The following PPP1R14C variants were observed in gnomAD, a reference collection of about 807,000 sequenced individuals.
PPP1R14C encodes protein phosphatase 1 regulatory subunit 14C.
Under a neutral mutation model 20.4 loss-of-function variants are expected in PPP1R14C, and 16 were observed. The ratio of observed to expected loss-of-function variants is 0.78; its 90% CI spans 0.53 to 1.19. PPP1R14C has a LOEUF of 1.19. PPP1R14C is among the 50% of genes most tolerant of loss of function. The pLI is 0.00. For missense variants in PPP1R14C, 211 were observed against 220.1 expected (o/e 0.96, Z 0.26); for synonymous variants, 91 against 91.0 (o/e 1.00, Z 0.00).
At chr6:150,176,595 T>C (rs1197498355) in intron 1 of PPP1R14C, among the ~76,000 whole-genome samples, 1 of 152,256 alleles carries the variant, frequency 6.6e-6, no homozygotes, top group Non-Finnish European at 1.5e-5. Flanking sequence ...ATCTGTGTCT[T>C]TCTACTGCTA....
intron 1 of PPP1R14C, among the ~76,000 whole-genome samples, chr6:150,204,059 C>T (rs574576551): frequency 6.6e-4 from 101 of 152,278 alleles, no homozygotes; most frequent in Non-Finnish European, 1.1e-3. Context: ...AGGTGCTGCA[C>T]GGAGAAAGAA....
chr6:150,189,786 C>G (rs1777721025), intron 1 of PPP1R14C, among the ~76,000 whole-genome samples: 1 of 152,138 alleles, frequency 6.6e-6, no homozygotes, highest in African/African-American at 2.4e-5. Context: ...TCAAGCACAC[C>G]TCTGGATAAA....
intron 1 of PPP1R14C, among the ~76,000 whole-genome samples, chr6:150,205,498 C>T (rs1777936840): frequency 6.6e-6 from 1 of 152,136 alleles, no homozygotes; most frequent in Non-Finnish European, 1.5e-5. Context: ...TTTGGATCAG[C>T]AGTGACCCAG....
In PPP1R14C at chr6:150,143,236, G is replaced by T; in HGVS notation, c.44G>T (p.Ser15Ile). 1 of 1,378,548 alleles carries T rather than the reference G, an allele frequency of 7.3e-7. No homozygotes were observed. The allele number at this position is 1,378,548 out of a possible 1,614,324, so 85.4% of individuals were successfully genotyped here. Residue 15 changes from serine to isoleucine, a missense_variant, in exon 1 of 4, where the codon AGC (serine) becomes ATC (isoleucine). Coordinates refer to ENST00000361131, the MANE Select transcript of PPP1R14C (RefSeq NM_030949.3). This position sits in a 1 kb window ranked among gnomAD's most constrained non-coding sequence, Gnocchi z 5.6. ...AGCAGCGAGACGGCCGGCGGGGCCA[G>T]CGGCGGCGGCGCACGGGTTTTCTTC... ...TGSSETAGGA[S>I]GGGARVFFQS... is the part of the protein sequence containing the mutation.
At chr6:150,163,392 A>G (rs1381868172) in intron 1 of PPP1R14C, among the ~76,000 whole-genome samples, 1 of 152,188 alleles carries the variant, frequency 6.6e-6, no homozygotes, top group African/African-American at 2.4e-5. Flanking sequence ...CTCCGTCTCA[A>G]AAACAACAAC....
At position 150,230,073 on chromosome 6, in the gene PPP1R14C, G is replaced by T. The variant is rs543324073; in HGVS notation, c.423+13217G>T. On this transcript the variant is annotated intron_variant, in intron 3 of 3. Transcript: ENST00000361131. The stretch of plus-strand genomic sequence containing the variant: ...GTTTGCCCTCATCCAGGAGTTTTCA[G>T]TGTGATTTTTAAATGCCTAGCTGGT... Among the ~76,000 whole-genome samples the T allele has an allele frequency of 6.6e-5, 10 of 152,256 alleles. No homozygotes were observed. The South Asian group carries it at 8.3e-4, about 13-fold the overall frequency.
chr6:150,149,593 C>T (rs950785447), intron 1 of PPP1R14C, among the ~76,000 whole-genome samples: 2 of 151,738 alleles, frequency 1.3e-5, no homozygotes, highest in East Asian at 1.9e-4. Flanking sequence ...CCACTGCGCC[C>T]GGCTACTTTC....
At chr6:150,177,216 G>C (rs1461730070) in intron 1 of PPP1R14C, among the ~76,000 whole-genome samples, 1 of 152,140 alleles carries the variant, frequency 6.6e-6, no homozygotes, top group East Asian at 1.9e-4. Context: ...TTGAAAACAG[G>C]GGTGCACTTG....
At position 150,143,171 on chromosome 6, in the gene PPP1R14C, T is replaced by C; in HGVS notation, c.-22T>C. On this transcript the variant is annotated 5_prime_UTR_variant, in exon 1 of 4. Transcript: ENST00000361131. This position sits in a 1 kb window ranked among gnomAD's most constrained non-coding sequence, Gnocchi z 5.6. ...CGCCCGCCCCTCCTCCGGGCCGCACTGAGGCTCGGGCGCGCGGGGACATGT... is the reference window on the plus strand; with the variant it reads ...CGCCCGCCCCTCCTCCGGGCCGCACCGAGGCTCGGGCGCGCGGGGACATGT... 7.7e-7 allele frequency: 1 copy of C among 1,305,684 alleles called. No homozygotes were observed. The allele number at this position is 1,305,684 out of a possible 1,614,324, so 80.9% of individuals were successfully genotyped here.
chr6:150,165,361 T>A (rs978880322), intron 1 of PPP1R14C, among the ~76,000 whole-genome samples: 5 of 152,258 alleles, frequency 3.3e-5, no homozygotes, highest in Non-Finnish European at 7.3e-5. Context: ...TCAGATTTTG[T>A]GTTAGAGAAG....
chr6:150,236,638 T>TGTGTGTGTGC (rs1311053700), intron 3 of PPP1R14C, among the ~76,000 whole-genome samples: 28 of 142,156 alleles, frequency 2.0e-4, no homozygotes, highest in African/African-American at 6.7e-4. Flanking sequence ...TGTGTGTGTG[T>TGTGTGTGTGC]GCGCGTGTGT....
chr6:150,198,295 G>GCT, intron 1 of PPP1R14C, among the ~76,000 whole-genome samples: 1 of 146,928 alleles, frequency 6.8e-6, no homozygotes, highest in African/African-American at 2.6e-5. Flanking sequence ...GTGTGCCCCT[G>GCT]GCCGCCATGG....
intron 1 of PPP1R14C, chr6:150,196,229 G>A (rs1777802949): frequency 4.9e-6 from 3 of 613,190 alleles, no homozygotes; most frequent in Non-Finnish European, 6.1e-6. Flanking sequence ...GGGCAACTGG[G>A]CAACAATAAA....
Position 150,201,098 on chromosome 6 carries a change from G to A in PPP1R14C, c.307-13646G>A, listed in dbSNP as rs1374237336. ...AGGTTTGGAACTAAGGAAGCGATCGGCCCTATTGGGCAGGATACTCAGACA... is the reference window on the plus strand; with the variant it reads ...AGGTTTGGAACTAAGGAAGCGATCGACCCTATTGGGCAGGATACTCAGACA... On this transcript the variant is annotated intron_variant, in intron 1 of 3. Coordinates refer to ENST00000361131, the MANE Select transcript of PPP1R14C (RefSeq NM_030949.3). This position sits in a 1 kb window ranked among gnomAD's most constrained non-coding sequence, Gnocchi z 4.2. 6.6e-6 allele frequency among the ~76,000 whole-genome samples: 1 copy of A among 152,222 alleles called. No homozygotes were observed. The highest frequency in any genetic ancestry group is 6.5e-5 in the Admixed American group (1 of 15,288).
chr6:150,239,109 T>C (rs6912252), intron 3 of PPP1R14C, among the ~76,000 whole-genome samples: 77,005 of 152,102 alleles, frequency 0.51, 20,278 homozygotes, highest in African/African-American at 0.65. Context: ...AGATCATGTC[T>C]GTTGTGGTTA....
intron 1 of PPP1R14C, among the ~76,000 whole-genome samples, chr6:150,181,925 T>C (rs1204030861): frequency 1.3e-5 from 2 of 152,260 alleles, no homozygotes; most frequent in East Asian, 3.8e-4. Flanking sequence ...GCAGTATGTT[T>C]ATCCCCTTCT....
At position 150,239,594 on chromosome 6, in the gene PPP1R14C, G is replaced by T. The variant is rs144123321; in HGVS notation, c.424-9152G>T. On this transcript the variant is annotated intron_variant, in intron 3 of 3. Coordinates refer to ENST00000361131, the MANE Select transcript of PPP1R14C (RefSeq NM_030949.3). The stretch of plus-strand genomic sequence containing the variant: ...CTAAAGCAATGCTTAGTGCTGCTGG[G>T]GGTGGGGGAACATATAGCAGTAAAT... Among the ~76,000 whole-genome samples the T allele has an allele frequency of 7.1e-3, 1,082 of 152,312 alleles. 10 individuals carry two copies. Among genetic ancestry groups the T allele is most frequent in the Middle Eastern group, 0.017 (5 of 294 alleles).
intron 1 of PPP1R14C, among the ~76,000 whole-genome samples, chr6:150,149,211 C>A (rs1777214192): frequency 6.6e-6 from 1 of 152,068 alleles, no homozygotes; most frequent in Non-Finnish European, 1.5e-5. Flanking sequence ...TGCGATGAAC[C>A]TGAATTCACA....
At chr6:150,197,173 C>A (rs1777814911) in intron 1 of PPP1R14C, among the ~76,000 whole-genome samples, 3 of 152,220 alleles carry the variant, frequency 2.0e-5, no homozygotes, top group Admixed American at 6.5e-5. Context: ...CCCTGCCTAC[C>A]TCAGGCCTCC....
Sources: allele counts gnomAD v4.1 joint callset (sites outside exome capture counted in the v4.1 genomes callset), GRCh38; gene constraint gnomAD v4.1.1; non-coding constraint Gnocchi (gnomAD v3.1); transcripts MANE v1.5; gene names NCBI Gene and HGNC (gene_info 2026-07-23, HGNC 2026-07-21).